Variants in KANSL2 observed in about 807,000 individuals in gnomAD.
KANSL2 encodes the protein NSL complex protein NSL2.
A neutral mutation model predicts 55.6 loss-of-function variants in KANSL2; 34 were observed. The ratio of observed to expected loss-of-function variants is 0.61; its 90% CI spans 0.46 to 0.81. The LOEUF is 0.81. Ranked by LOEUF, KANSL2 falls within the 40% of genes least tolerant of loss-of-function variation. KANSL2 has a pLI of 0.00. For synonymous variants in KANSL2, 209 were observed against 214.3 expected, an observed-to-expected ratio of 0.98 and a Z score of 0.22; for missense variants, 502 against 609.9, an observed-to-expected ratio of 0.82 and a Z score of 1.86.
chr12:48,681,485 T>C lies in KANSL2; in HGVS notation c.148A>G (p.Ile50Val), dbSNP rs1282309133. ...AAGGGTGCATTCTTGTCTTCAAGGA[T>C]ATGCTTAATGCAAAACTCCTGCCCC... ...LEGQEFCIKH[I>V]LEDKNAPFKQ... Residue 50 changes from isoleucine (I) to valine (V), a missense_variant, in exon 2 of 10, where the codon ATC becomes GTC. By Grantham distance (29) the Ile-to-Val change is conservative (BLOSUM62 3). Coordinates refer to ENST00000420613, the MANE Select transcript of KANSL2 (RefSeq NM_017822.4). The C allele has an allele frequency of 1.2e-6, 2 of 1,614,026 alleles. No individual in the cohort carries two copies. The highest frequency in any genetic ancestry group is 2.2e-5 in the East Asian group (1 of 44,882).
At chr12:48,664,934 T>C (rs1391814552) in intron 7 of KANSL2, among the ~76,000 whole-genome samples, 1 of 137,894 alleles carries the variant, frequency 7.3e-6, no homozygotes, top group Non-Finnish European at 1.5e-5. Context: ...TCACCCAAAG[T>C]AGAATGCAGT....
In KANSL2 at chr12:48,654,042, TA is replaced by T. The variant is rs1939329912; in HGVS notation, c.*1del. 9 of 1,577,636 alleles carry T rather than the reference TA, an allele frequency of 5.7e-6. No individual in the cohort carries two copies. Among genetic ancestry groups the T allele is most frequent in the Non-Finnish European group, 7.7e-6 (9 of 1,166,168 alleles). On this transcript the variant is annotated 3_prime_UTR_variant, in exon 10 of 10. Transcript: ENST00000420613. ...ACCAAAGTAAAATGGTTCCCCAAAC[TA>T]TCAACTAATAGAAGTGGGTTCTGGC... is the stretch of plus-strand genomic sequence containing the variant.
intron 4 of KANSL2, among the ~76,000 whole-genome samples, chr12:48,672,365 A>T (rs1939729681): frequency 2.0e-5 from 3 of 146,636 alleles, no homozygotes; most frequent in African/African-American, 7.5e-5. Flanking sequence ...ACATATATAC[A>T]TGTATATATA....
Position 48,664,879 on chromosome 12 carries a change from CTTTTTTTTTTTTT to C in KANSL2, c.973+2801_973+2813del, listed in dbSNP as rs367566566. 9.5e-5 allele frequency among the ~76,000 whole-genome samples: 9 copies of C among 94,664 alleles called. No homozygotes were observed. The East Asian group carries it at 1.5e-3, about 15-fold the overall frequency. The allele number at this position is 94,664 out of a possible 152,430, so 62.1% of individuals were successfully genotyped here. A position where few individuals can be genotyped will look rare whatever the true frequency, so the allele number is the denominator to read the frequency against. ...TTACAGGTGTGAGCCACTGCGCCCGCTTTTTTTTTTTTTTTTTTTTTTTTAGAGACAGGGTTTT... is the reference window on the plus strand; with the variant it reads ...TTACAGGTGTGAGCCACTGCGCCCGCTTTTTTTTTTTAGAGACAGGGTTTT... On this transcript the variant is annotated intron_variant, in intron 7 of 9. Coordinates refer to ENST00000420613, the MANE Select transcript of KANSL2 (RefSeq NM_017822.4).
chr12:48,679,312 A>G lies in KANSL2; in HGVS notation c.431-162T>C, dbSNP rs1939879504. 4.4e-6 allele frequency: 3 copies of G among 687,540 alleles called. No individual in the cohort carries two copies. The East Asian group carries it at 8.1e-5, about 19-fold the overall frequency. 42.6% of individuals were successfully genotyped at this position (687,540 alleles called of 1,614,324 possible). ...TACTGGCAAATAAAAACGCTTTAAG[A>G]AAATACAACCCAAGTAAGATTACTT... On this transcript the variant is annotated intron_variant, in intron 3 of 9. Transcript: ENST00000420613.
At chr12:48,671,259 C>T (rs1199180547) in intron 5 of KANSL2, among the ~76,000 whole-genome samples, 2 of 127,300 alleles carry the variant, frequency 1.6e-5, no homozygotes, top group Admixed American at 8.8e-5. Flanking sequence ...AGTGAGACTC[C>T]ATGTCCGTCT....
Position 48,654,978 on chromosome 12 carries a change from A to G in KANSL2, c.1310T>C (p.Leu437Ser). The change falls in exon 9 of 10, where the codon TTA (leucine) becomes TCA (serine). Residue 437 changes from leucine to serine, a missense_variant. Physicochemically the swap from Leu to Ser is moderately radical, Grantham distance 145. Coordinates refer to ENST00000420613, the MANE Select transcript of KANSL2 (RefSeq NM_017822.4). ...FDPSLTLEDHLVKEIAEDPVD... is the reference protein window; with the variant it reads ...FDPSLTLEDHSVKEIAEDPVD... ...TGGGTCTTCAGCAATTTCTTTGACT[A>G]AATGATCTTCAAGGGTTAGTGAAGG... 1.9e-6 allele frequency: 3 copies of G among 1,580,026 alleles called. No homozygotes were observed. Among genetic ancestry groups the G allele is most frequent in the South Asian group, 2.3e-5 (2 of 85,798 alleles).
At chr12:48,677,485 A>G (rs933163144) in intron 4 of KANSL2, among the ~76,000 whole-genome samples, 2 of 151,682 alleles carry the variant, frequency 1.3e-5, no homozygotes, top group Admixed American at 1.3e-4. Context: ...ACCACAATGG[A>G]AAAAAAAGGA....
intron 4 of KANSL2, among the ~76,000 whole-genome samples, chr12:48,675,023 TAAAA>T (rs10543450): frequency 0.042 from 6,193 of 148,244 alleles, 239 homozygotes; most frequent in East Asian, 0.18. Flanking sequence ...TAAAAATAAA[TAAAA>T]TAAAATAAAA....
At position 48,654,140 on chromosome 12, in the gene KANSL2, G is replaced by T. The variant is rs1342587177; in HGVS notation, c.1383C>A (p.Ser461=). The change falls in exon 10 of 10, where the codon TCC becomes TCA. Residue 461 remains serine (S), a synonymous_variant. Coordinates refer to ENST00000420613, the MANE Select transcript of KANSL2 (RefSeq NM_017822.4). ...CTTTCTCAGAATTTCGAGATCCCTG[G>T]GATCTGCACCCATCTCCAGCCATCT... is the stretch of plus-strand genomic sequence containing the variant. ...QMQMAGDGCR[S]QGSRNSEKAS... The T allele has an allele frequency of 6.2e-7, 1 of 1,612,286 alleles. No homozygotes were observed. The highest frequency in any genetic ancestry group is 1.3e-5 in the African/African-American group (1 of 74,802).
intron 7 of KANSL2, 142 bp from the exon 8 acceptor site, chr12:48,660,761 G>A: frequency 1.2e-6 from 1 of 850,086 alleles, no homozygotes; most frequent in Non-Finnish European, 1.7e-6. Flanking sequence ...ACCAAATGCA[G>A]TTAGCAATTT....
In KANSL2 at chr12:48,655,038, C is replaced by A. The variant is rs775660061; in HGVS notation, c.1250G>T (p.Gly417Val). 2 of 1,582,370 alleles carry A rather than the reference C, an allele frequency of 1.3e-6. No homozygotes were observed. The highest frequency in any genetic ancestry group is 1.8e-5 in the Admixed American group (1 of 54,692). ...FSDDLDVVGDGMQCPPSPLLF... is the reference protein window; with the variant it reads ...FSDDLDVVGDVMQCPPSPLLF... ...CAAAGGTGAAGGAGGACACTGCATACCATCACCCACAACATCCAAGTCCTA... is the reference window on the plus strand; with the variant it reads ...CAAAGGTGAAGGAGGACACTGCATAACATCACCCACAACATCCAAGTCCTA... The change falls in exon 9 of 10, where the codon GGT becomes GTT. Residue 417 changes from glycine to valine, a missense_variant. By Grantham distance (109) the Gly-to-Val change is moderately radical. Transcript: ENST00000420613.
chr12:48,676,944 G>A (rs1939832390), intron 4 of KANSL2, among the ~76,000 whole-genome samples: 1 of 152,012 alleles, frequency 6.6e-6, no homozygotes, highest in African/African-American at 2.4e-5. Flanking sequence ...AAAGACACTG[G>A]TGCCCTAAGA....
At chr12:48,666,579 G>T (rs946589018) in intron 7 of KANSL2, among the ~76,000 whole-genome samples, 13 of 151,902 alleles carry the variant, frequency 8.6e-5, no homozygotes, top group Non-Finnish European at 1.8e-4. Flanking sequence ...TGTAATCCCA[G>T]CTACTCAGGA....
intron 2 of KANSL2, among the ~76,000 whole-genome samples, chr12:48,680,974 C>G (rs1205859402): frequency 6.6e-6 from 1 of 151,668 alleles, no homozygotes; most frequent in South Asian, 2.1e-4. Context: ...TGTGCGCCGC[C>G]CCCCCGCCAA....
At position 48,653,948 on chromosome 12, in the gene KANSL2, G is replaced by T; in HGVS notation, c.*96C>A. The T allele has an allele frequency of 7.7e-7, 1 of 1,295,460 alleles. No homozygotes were observed. Among genetic ancestry groups the T allele is most frequent in the Non-Finnish European group, 1.0e-6 (1 of 959,282 alleles). The allele number at this position is 1,295,460 out of a possible 1,614,324, so 80.2% of individuals were successfully genotyped here. On this transcript the variant is annotated 3_prime_UTR_variant, in exon 10 of 10. Transcript: ENST00000420613. ...CTCAATCCAGAAGAAAAACAAGGTAGTCTGGGTTGCCTGTGTTTTGTGAGA... is the reference window on the plus strand; with the variant it reads ...CTCAATCCAGAAGAAAAACAAGGTATTCTGGGTTGCCTGTGTTTTGTGAGA...
Position 48,671,682 on chromosome 12 carries a change from G to A in KANSL2, c.709+117C>T, listed in dbSNP as rs1208714355. On this transcript the variant is annotated intron_variant, in intron 5 of 9. Transcript: ENST00000420613. The stretch of plus-strand genomic sequence containing the variant: ...TAGCGTGAGTCACTCCATGAAGTTT[G>A]AATGACAAAAATCACCTAACAAAGT... The A allele has an allele frequency of 2.6e-5, 29 of 1,118,606 alleles. 1 individual carries two copies. In the East Asian group the frequency reaches 6.9e-4, roughly 27 times the overall value. 69.3% of individuals were successfully genotyped at this position (1,118,606 alleles called of 1,614,324 possible). A position where few individuals can be genotyped will look rare whatever the true frequency, so the allele number is the denominator to read the frequency against.
chr12:48,682,198 C>CAG lies in KANSL2; in HGVS notation c.-22_-21insCT. The stretch of plus-strand genomic sequence containing the variant: ...CACCGCCATCTTACCTCAGGAGCTG[C>CAG]GCTGCGCCGCACTCTGCCGCGCCGC... On this transcript the variant is annotated 5_prime_UTR_variant, in exon 1 of 10. Transcript: ENST00000420613. 1.5e-6 allele frequency: 1 copy of CAG among 676,218 alleles called. No individual in the cohort carries two copies. Among genetic ancestry groups the CAG allele is most frequent in the Non-Finnish European group, 2.7e-6 (1 of 371,220 alleles). The allele number at this position is 676,218 out of a possible 1,614,324, so 41.9% of individuals were successfully genotyped here. A position where few individuals can be genotyped will look rare whatever the true frequency, so the allele number is the denominator to read the frequency against.
chr12:48,657,041 A>G (rs1229452456), intron 8 of KANSL2, among the ~76,000 whole-genome samples: 1 of 152,202 alleles, frequency 6.6e-6, no homozygotes, highest in East Asian at 1.9e-4. Context: ...AAAAATGAGA[A>G]TCACAACATC....
Sources: gnomAD v4.1 joint callset for allele counts (sites outside exome capture counted in the v4.1 genomes callset) on GRCh38, gnomAD v4.1.1 for gene constraint, MANE v1.5 for transcripts, NCBI Gene and HGNC (gene_info 2026-07-23, HGNC 2026-07-21) for gene names.